KIF6: variants seen among roughly 807,000 people sequenced by gnomAD.
KIF6 encodes kinesin family member 6, also known as kinesin-like protein KIF6.
Under a neutral mutation model 112.7 loss-of-function variants are expected in KIF6, and 106 were observed. The observed-to-expected ratio is 0.94, with a 90% CI of 0.80 to 1.11. The LOEUF is 1.11. Among genes scored for constraint, KIF6 ranks in the 50% least tolerant of loss-of-function variants. KIF6 has a pLI of 0.00. For synonymous variants in KIF6, 339 were observed against 339.9 expected, an observed-to-expected ratio of 1.00 and a Z score of 0.03; for missense variants, 929 against 964.0, an observed-to-expected ratio of 0.96 and a Z score of 0.48.
At chr6:39,381,705 T>A (rs562528114) in intron 16 of KIF6, among the ~76,000 whole-genome samples, 1 of 152,318 alleles carries the variant, frequency 6.6e-6, no homozygotes, top group East Asian at 1.9e-4. Flanking sequence ...CCTAAGGAGC[T>A]TGGACGGCAA....
At chr6:39,644,227 T>C (rs1344427308) in intron 3 of KIF6, among the ~76,000 whole-genome samples, 3 of 152,056 alleles carry the variant, frequency 2.0e-5, no homozygotes, top group Non-Finnish European at 4.4e-5. Flanking sequence ...TCATACATTG[T>C]TGCTGGAAAT....
chr6:39,690,355 A>G (rs766249996), intron 3 of KIF6: 1 of 152,202 alleles, frequency 6.6e-6, no homozygotes, highest in Non-Finnish European at 1.5e-5. Flanking sequence ...AAGTTCCTGC[A>G]TATGAGTCCT....
At chr6:39,482,599 A>T (rs1223188728) in intron 13 of KIF6, among the ~76,000 whole-genome samples, 3 of 152,204 alleles carry the variant, frequency 2.0e-5, no homozygotes, top group Non-Finnish European at 4.4e-5. Context: ...AATTTAGCTT[A>T]TATCTGATAT....
chr6:39,611,528 C>A (rs967905046), intron 6 of KIF6, among the ~76,000 whole-genome samples: 10 of 152,156 alleles, frequency 6.6e-5, no homozygotes, highest in Admixed American at 2.0e-4. Context: ...CCATAACCCA[C>A]TGAAGGTGAG....
chr6:39,391,062 G>C (rs1051237967), intron 15 of KIF6, among the ~76,000 whole-genome samples: 1 of 152,162 alleles, frequency 6.6e-6, no homozygotes, highest in Non-Finnish European at 1.5e-5. Context: ...AAACTTGTTG[G>C]TATACTTTGA....
intron 13 of KIF6, among the ~76,000 whole-genome samples, chr6:39,431,928 C>T (rs1012955964): frequency 4.0e-5 from 6 of 151,896 alleles, no homozygotes; most frequent in African/African-American, 1.2e-4. Context: ...CTGAATTCAC[C>T]GCTGGATTTT....
At chr6:39,719,581 G>T (rs943127615) in intron 2 of KIF6, among the ~76,000 whole-genome samples, 8 of 152,106 alleles carry the variant, frequency 5.3e-5, no homozygotes, top group Admixed American at 2.0e-4. Context: ...GAGATTAAAA[G>T]AAATAGATTA....
intron 9 of KIF6, among the ~76,000 whole-genome samples, chr6:39,582,685 G>A (rs112761103): frequency 6.6e-6 from 1 of 152,120 alleles, no homozygotes; most frequent in Admixed American, 6.5e-5. Context: ...AAAGTGCTGG[G>A]ATTACAGGCG....
intron 3 of KIF6, among the ~76,000 whole-genome samples, chr6:39,671,834 G>T (rs933532172): frequency 6.6e-6 from 1 of 152,234 alleles, no homozygotes; most frequent in Admixed American, 6.5e-5. Context: ...TGTGGAGCTT[G>T]CACGTTCTCC....
chr6:39,708,901 AAAAAAC>A (rs1789371605), intron 3 of KIF6, among the ~76,000 whole-genome samples: 1 of 151,946 alleles, frequency 6.6e-6, no homozygotes, highest in South Asian at 2.1e-4. Context: ...GATAAAAAAA[AAAAAAC>A]AAATAAAACA....
At chr6:39,405,047 G>T (rs1481144161) in intron 15 of KIF6, among the ~76,000 whole-genome samples, 1 of 151,942 alleles carries the variant, frequency 6.6e-6, no homozygotes, top group East Asian at 1.9e-4. Context: ...GAATATAATT[G>T]ATTTTTATGT....
intron 13 of KIF6, among the ~76,000 whole-genome samples, chr6:39,522,890 T>C (rs1375003329): frequency 1.3e-5 from 2 of 152,218 alleles, no homozygotes; most frequent in African/African-American, 2.4e-5. Flanking sequence ...CTTCTCCTTA[T>C]GAAATGAAAC....
At chr6:39,649,899 T>C (rs2150788366) in intron 3 of KIF6, among the ~76,000 whole-genome samples, 1 of 152,322 alleles carries the variant, frequency 6.6e-6, no homozygotes, top group Middle Eastern at 3.4e-3. Flanking sequence ...ATTTCGTGTG[T>C]GATAGGAAAA....
chr6:39,433,818 G>A (rs750983922), intron 13 of KIF6, among the ~76,000 whole-genome samples: 1 of 152,150 alleles, frequency 6.6e-6, no homozygotes. Flanking sequence ...AGGACTCACG[G>A]GCAGCTCCAG....
At chr6:39,694,874 A>C (rs921773313) in intron 3 of KIF6, among the ~76,000 whole-genome samples, 1 of 152,186 alleles carries the variant, frequency 6.6e-6, no homozygotes, top group African/African-American at 2.4e-5. Context: ...AATCCTAAGC[A>C]AAAAGAATAA....
chr6:39,428,259 G>A (rs568657524), intron 14 of KIF6, among the ~76,000 whole-genome samples: 6 of 152,288 alleles, frequency 3.9e-5, no homozygotes, highest in Non-Finnish European at 1.5e-5. Context: ...AGCCAGTTAC[G>A]AGTCCCTGGT....
chr6:39,487,128 T>C (rs1242027167), intron 13 of KIF6, among the ~76,000 whole-genome samples: 1 of 152,222 alleles, frequency 6.6e-6, no homozygotes, highest in Non-Finnish European at 1.5e-5. Context: ...TTAAAAATAG[T>C]AATAAATAAA....
At chr6:39,348,694 C>T (rs1281472007) in intron 19 of KIF6, among the ~76,000 whole-genome samples, 1 of 152,222 alleles carries the variant, frequency 6.6e-6, no homozygotes, top group East Asian at 1.9e-4. Flanking sequence ...ATTAGGCCTT[C>T]TGGGTTGCCA....
Position 39,419,812 on chromosome 6 carries a change from C to T in KIF6, c.1810+136G>A, listed in dbSNP as rs893346721. Reference sequence around the variant, plus strand: ...TCACACACTTCCTAGGGAAGGCTCTCAAAGCAGCTTCCTTGGCAGGGGCTC... The same window carrying T: ...TCACACACTTCCTAGGGAAGGCTCTTAAAGCAGCTTCCTTGGCAGGGGCTC... On this transcript the variant is annotated intron_variant, in intron 15 of 22. Coordinates refer to ENST00000287152, the MANE Select transcript of KIF6 (RefSeq NM_145027.6). 1.0e-5 allele frequency: 8 copies of T among 799,134 alleles called. No homozygotes were observed. The African/African-American group carries it at 1.4e-4, about 13-fold the overall frequency. 49.5% of individuals were successfully genotyped at this position (799,134 alleles called of 1,614,324 possible).
Sources: allele counts gnomAD v4.1 joint callset (sites outside exome capture counted in the v4.1 genomes callset), GRCh38; gene constraint gnomAD v4.1.1; transcripts MANE v1.5; gene names NCBI Gene and HGNC (gene_info 2026-07-23, HGNC 2026-07-21).